ZNF385D: variants seen among roughly 807,000 people sequenced by gnomAD.
ZNF385D encodes the protein zinc finger protein 659.
A neutral mutation model predicts 35.8 loss-of-function variants in ZNF385D; 15 were observed. That is an observed-to-expected ratio of 0.42 (90% CI 0.28 to 0.64). ZNF385D has a LOEUF of 0.64. ZNF385D is among the 30% of genes least tolerant of loss of function. The pLI, the probability that ZNF385D is intolerant of heterozygous loss-of-function variation, is 0.23. For missense variants in ZNF385D, 474 were observed against 494.6 expected, an observed-to-expected ratio of 0.96 and a Z score of 0.39; for synonymous variants, 212 against 186.8, an observed-to-expected ratio of 1.13 and a Z score of -1.10.
chr3:22,143,983 A>G (rs576743563), intron 3 of ZNF385D, among the ~76,000 whole-genome samples: 2 of 152,292 alleles, frequency 1.3e-5, no homozygotes, highest in East Asian at 3.9e-4. Flanking sequence ...AAGTATTGTC[A>G]GCTACATTTC....
At chr3:21,805,951 G>T (rs145567511) in intron 3 of ZNF385D, among the ~76,000 whole-genome samples, 1 of 152,190 alleles carries the variant, frequency 6.6e-6, no homozygotes, top group African/African-American at 2.4e-5. Context: ...CAATCTGGGA[G>T]AGGTCACTTT....
chr3:21,698,336 T>A (rs2067544170), intron 1 of ZNF385D, among the ~76,000 whole-genome samples: 1 of 151,976 alleles, frequency 6.6e-6, no homozygotes, highest in African/African-American at 2.4e-5. Context: ...CAAAGTGCAA[T>A]GACTCAGAAA....
intron 3 of ZNF385D, among the ~76,000 whole-genome samples, chr3:21,826,644 A>C (rs553042576): frequency 6.6e-6 from 1 of 152,248 alleles, no homozygotes; most frequent in African/African-American, 2.4e-5. Context: ...GCTATTTCAC[A>C]GAGCAGGCAC....
intron 2 of ZNF385D, among the ~76,000 whole-genome samples, chr3:22,303,049 T>C (rs1702992927): frequency 6.6e-6 from 1 of 152,182 alleles, no homozygotes. Flanking sequence ...AATTGCATTC[T>C]GCTAGGATAA....
intron 3 of ZNF385D, among the ~76,000 whole-genome samples, chr3:22,152,814 T>C (rs1056335075): frequency 4.6e-5 from 7 of 152,126 alleles, no homozygotes; most frequent in African/African-American, 1.7e-4. Flanking sequence ...TATACATCTT[T>C]TGGGGAGTAT....
chr3:21,705,268 T>C (rs1417550146), intron 1 of ZNF385D, among the ~76,000 whole-genome samples: 1 of 152,192 alleles, frequency 6.6e-6, no homozygotes, highest in African/African-American at 2.4e-5. Context: ...AATGTACCCA[T>C]AAAAGAAGGC....
chr3:21,517,429 A>AC (rs1326729421), intron 3 of ZNF385D, among the ~76,000 whole-genome samples: 1 of 152,092 alleles, frequency 6.6e-6, no homozygotes, highest in Non-Finnish European at 1.5e-5. Context: ...GTGCTGCAAC[A>AC]CCCCAAACCC....
At chr3:22,300,166 T>A (rs1559506784) in intron 2 of ZNF385D, among the ~76,000 whole-genome samples, 1 of 151,884 alleles carries the variant, frequency 6.6e-6, no homozygotes. Flanking sequence ...TAAGGCCAAT[T>A]GATTTTTGAC....
At chr3:21,424,182 A>C in intron 6 of ZNF385D, 118 bp from the exon 7 acceptor site, 1 of 836,498 alleles carries the variant, frequency 1.2e-6, no homozygotes, top group Middle Eastern at 3.6e-4. Flanking sequence ...CAGAAAGACA[A>C]AAATAAAAGA....
intron 3 of ZNF385D, among the ~76,000 whole-genome samples, chr3:21,887,343 CATT>C (rs1486853324): frequency 3.3e-5 from 5 of 151,872 alleles, no homozygotes; most frequent in Admixed American, 6.6e-5. Flanking sequence ...TAACTATGCA[CATT>C]AATAAAATAG....
intron 3 of ZNF385D, among the ~76,000 whole-genome samples, chr3:21,924,855 T>G (rs567171136): frequency 1.5e-3 from 228 of 152,186 alleles, no homozygotes; most frequent in African/African-American, 5.2e-3. Context: ...TGAGGCCCAT[T>G]GGGAAACCTG....
intron 3 of ZNF385D, among the ~76,000 whole-genome samples, chr3:22,149,655 G>C (rs1300922579): frequency 6.6e-6 from 1 of 152,126 alleles, no homozygotes; most frequent in East Asian, 1.9e-4. Context: ...CTGAGATATA[G>C]GCTATTTGTT....
chr3:21,865,186 T>C (rs550237896), intron 3 of ZNF385D, among the ~76,000 whole-genome samples: 1 of 151,068 alleles, frequency 6.6e-6, no homozygotes, highest in South Asian at 2.1e-4. Flanking sequence ...TACAAGTAAT[T>C]AGAGTATTTG....
At chr3:21,725,308 C>A (rs538751567) in intron 1 of ZNF385D, among the ~76,000 whole-genome samples, 1 of 152,172 alleles carries the variant, frequency 6.6e-6, no homozygotes, top group African/African-American at 2.4e-5. Context: ...CAAAAGCCAG[C>A]AGAAGGCAAG....
chr3:21,759,083 G>C (rs897706157), intron 3 of ZNF385D, among the ~76,000 whole-genome samples: 1 of 144,922 alleles, frequency 6.9e-6, no homozygotes, highest in Non-Finnish European at 1.5e-5. Context: ...AAAGCACTTA[G>C]TATCTCAGTT....
At chr3:21,999,052 A>G (rs1435639282) in intron 3 of ZNF385D, among the ~76,000 whole-genome samples, 2 of 152,152 alleles carry the variant, frequency 1.3e-5, no homozygotes, top group Admixed American at 1.3e-4. Context: ...ACACCTCCTA[A>G]GTCCTGTCTG....
At chr3:21,518,845 A>G (rs1707739126) in intron 3 of ZNF385D, among the ~76,000 whole-genome samples, 1 of 152,212 alleles carries the variant, frequency 6.6e-6, no homozygotes, top group Admixed American at 6.5e-5. Flanking sequence ...GCAATGCAAG[A>G]AAAGACAGGA....
At chr3:22,261,219 C>T (rs1050762105) in intron 2 of ZNF385D, among the ~76,000 whole-genome samples, 8 of 151,796 alleles carry the variant, frequency 5.3e-5, no homozygotes, top group African/African-American at 1.9e-4. Flanking sequence ...AGGGGTGAGA[C>T]CAGACCTCGG....
chr3:22,072,833 G>T (rs529963971), intron 3 of ZNF385D, among the ~76,000 whole-genome samples: 11 of 152,152 alleles, frequency 7.2e-5, no homozygotes, highest in African/African-American at 2.6e-4. Flanking sequence ...GTAAGGACTG[G>T]ATTCTTAGTG....
Sources: gnomAD v4.1 joint callset for allele counts (sites outside exome capture counted in the v4.1 genomes callset) on GRCh38, gnomAD v4.1.1 for gene constraint, MANE v1.5 for transcripts, NCBI Gene and HGNC (gene_info 2026-07-23, HGNC 2026-07-21) for gene names.